Variants in KIAA1217 observed in about 807,000 individuals in gnomAD.
KIAA1217 encodes the protein KIAA1217.
Under a neutral mutation model 163.9 loss-of-function variants are expected in KIAA1217, and 88 were observed. That is an observed-to-expected ratio of 0.54 (90% CI 0.45 to 0.64). The LOEUF (loss-of-function observed/expected upper bound fraction) is 0.64. Ranked by LOEUF, KIAA1217 falls within the 30% of genes least tolerant of loss-of-function variation. The probability of loss-of-function intolerance (pLI) is 0.00; values close to 1 mark genes in which losing one functional copy is unlikely to be tolerated. For missense variants in KIAA1217, 2,372 were observed against 2,475.0 expected (o/e 0.96, Z 0.88); for synonymous variants, 903 against 923.1 (o/e 0.98, Z 0.39).
At chr10:24,498,977 A>C (rs915262876) in intron 8 of KIAA1217, among the ~76,000 whole-genome samples, 1 of 152,216 alleles carries the variant, frequency 6.6e-6, no homozygotes, top group Non-Finnish European at 1.5e-5. Context: ...GAGGTATAGA[A>C]AGAATGTGTG....
chr10:24,047,497 T>G (rs775829063), intron 2 of KIAA1217, among the ~76,000 whole-genome samples: 6 of 152,224 alleles, frequency 3.9e-5, no homozygotes, highest in Non-Finnish European at 5.9e-5. Flanking sequence ...GCTCATATCC[T>G]GCATGAATAC....
At chr10:24,065,597 G>C (rs12248462) in intron 2 of KIAA1217, among the ~76,000 whole-genome samples, 14,382 of 152,186 alleles carry the variant, frequency 0.095, 1,045 homozygotes, top group African/African-American at 0.2. Context: ...GTGGTGTGGT[G>C]CTGACAAGAA....
intron 1 of KIAA1217, among the ~76,000 whole-genome samples, chr10:23,739,090 C>T (rs929966279): frequency 2.0e-5 from 3 of 152,178 alleles, no homozygotes. Flanking sequence ...TAAGTCATGT[C>T]TTTTGCAGCA....
At chr10:23,927,768 A>G (rs1329453753) in intron 1 of KIAA1217, among the ~76,000 whole-genome samples, 1 of 152,200 alleles carries the variant, frequency 6.6e-6, no homozygotes, top group Non-Finnish European at 1.5e-5. Context: ...AGATTCCCAT[A>G]TAAACAGATG....
At chr10:24,295,915 G>A (rs948639556) in intron 2 of KIAA1217, among the ~76,000 whole-genome samples, 10 of 152,046 alleles carry the variant, frequency 6.6e-5, no homozygotes, top group Admixed American at 2.0e-4. Context: ...TTGGAAAAAC[G>A]TATATCTCCT....
intron 1 of KIAA1217, among the ~76,000 whole-genome samples, chr10:23,779,406 A>G (rs1020652376): frequency 2.0e-5 from 3 of 152,044 alleles, no homozygotes; most frequent in African/African-American, 7.2e-5. Flanking sequence ...CAGAATAGAA[A>G]CCTCTTTAAG....
At chr10:24,343,079 G>C (rs1378585676) in intron 2 of KIAA1217, among the ~76,000 whole-genome samples, 3 of 152,152 alleles carry the variant, frequency 2.0e-5, no homozygotes, top group African/African-American at 7.2e-5. Flanking sequence ...TGCAACTCCT[G>C]CATTTCCATC....
At chr10:23,790,608 T>TAC (rs1156696525) in intron 1 of KIAA1217, among the ~76,000 whole-genome samples, 1 of 127,428 alleles carries the variant, frequency 7.8e-6, no homozygotes, top group Admixed American at 8.2e-5. Context: ...TGTACATATA[T>TAC]ACATATGTAT....
At chr10:24,027,594 G>A (rs1416095630) in intron 2 of KIAA1217, among the ~76,000 whole-genome samples, 4 of 151,958 alleles carry the variant, frequency 2.6e-5, no homozygotes, top group Non-Finnish European at 4.4e-5. Flanking sequence ...ACAATTTGTG[G>A]AATATTATAA....
intron 6 of KIAA1217, among the ~76,000 whole-genome samples, chr10:24,492,938 C>A (rs1411729072): frequency 6.6e-6 from 1 of 152,018 alleles, no homozygotes; most frequent in African/African-American, 2.4e-5. Flanking sequence ...CTCCACCTCC[C>A]AGGTTCCCGT....
intron 2 of KIAA1217, among the ~76,000 whole-genome samples, chr10:24,065,820 G>A (rs1170386121): frequency 6.6e-6 from 1 of 152,190 alleles, no homozygotes; most frequent in Non-Finnish European, 1.5e-5. Flanking sequence ...ATGAATCTGA[G>A]TGCTCCTGTA....
At chr10:23,760,144 C>A (rs1309550971) in intron 1 of KIAA1217, among the ~76,000 whole-genome samples, 1 of 152,154 alleles carries the variant, frequency 6.6e-6, no homozygotes, top group South Asian at 2.1e-4. Flanking sequence ...TGGGCATACA[C>A]AAATCAAATC....
intron 10 of KIAA1217, among the ~76,000 whole-genome samples, chr10:24,518,361 G>A (rs563720620): frequency 3.4e-4 from 52 of 151,472 alleles, no homozygotes; most frequent in Non-Finnish European, 6.9e-4. Flanking sequence ...TGATATTGTT[G>A]TGTACAATTG....
chr10:23,909,384 A>G (rs1179832020), intron 1 of KIAA1217, among the ~76,000 whole-genome samples: 1 of 151,988 alleles, frequency 6.6e-6, no homozygotes, highest in Non-Finnish European at 1.5e-5. Flanking sequence ...ATAAAAATAA[A>G]TTAAAAAAAG....
At chr10:24,407,009 A>G (rs1312998203) in intron 3 of KIAA1217, among the ~76,000 whole-genome samples, 1 of 152,202 alleles carries the variant, frequency 6.6e-6, no homozygotes, top group Non-Finnish European at 1.5e-5. Context: ...CATCAGGAAC[A>G]TTCTGATCCC....
chr10:24,049,893 A>G (rs550274193), intron 2 of KIAA1217, among the ~76,000 whole-genome samples: 81 of 152,320 alleles, frequency 5.3e-4, no homozygotes, highest in African/African-American at 1.8e-3. Flanking sequence ...ACTGTCTTCC[A>G]AAGTGGTTGA....
chr10:24,432,298 A>T (rs528044508), intron 3 of KIAA1217, among the ~76,000 whole-genome samples: 38 of 150,946 alleles, frequency 2.5e-4, no homozygotes, highest in African/African-American at 8.8e-4. Flanking sequence ...TTGTATTTTT[A>T]GTAGAGATGG....
At chr10:24,088,632 T>G (rs1409458359) in intron 2 of KIAA1217, among the ~76,000 whole-genome samples, 2 of 123,478 alleles carry the variant, frequency 1.6e-5, no homozygotes, top group African/African-American at 5.0e-5. Flanking sequence ...AACTTATCAT[T>G]TTTTATGGCT....
chr10:24,372,650 T>G (rs2051834466), intron 2 of KIAA1217, among the ~76,000 whole-genome samples: 1 of 151,952 alleles, frequency 6.6e-6, no homozygotes, highest in Admixed American at 6.6e-5. Context: ...AAATAAAAGG[T>G]GAAATTATTT....
Sources: allele counts gnomAD v4.1 joint callset (sites outside exome capture counted in the v4.1 genomes callset), GRCh38; gene constraint gnomAD v4.1.1; transcripts MANE v1.5; gene names NCBI Gene and HGNC (gene_info 2026-07-23, HGNC 2026-07-21).